Variants in RFXAP observed in about 807,000 individuals in gnomAD.
RFXAP encodes the protein regulatory factor X associated protein, also known as regulatory factor X-associated protein.
In RFXAP, 21 loss-of-function variants were observed where a neutral mutation model predicts 25.7. The ratio of observed to expected loss-of-function variants is 0.82; its 90% CI spans 0.58 to 1.18. The LOEUF (loss-of-function observed/expected upper bound fraction) is 1.18. RFXAP is among the 50% of genes most tolerant of loss of function. The probability of loss-of-function intolerance (pLI) is 0.00; values close to 1 mark genes in which losing one functional copy is unlikely to be tolerated. For missense variants in RFXAP, 333 were observed against 363.0 expected (o/e 0.92, Z 0.67); for synonymous variants, 161 against 152.2 (o/e 1.06, Z -0.43).
At chr13:36,822,773 C>T (rs1022850753) in intron 1 of RFXAP, among the ~76,000 whole-genome samples, 1 of 152,168 alleles carries the variant, frequency 6.6e-6, no homozygotes, top group East Asian at 1.9e-4. Flanking sequence ...AGTTTACTAT[C>T]CAGTTTGTCT....
intron 2 of RFXAP, 128 bp from the exon 3 acceptor site, chr13:36,827,515 C>A: frequency 3.0e-6 from 2 of 671,902 alleles, no homozygotes; most frequent in Admixed American, 2.9e-5. Context: ...TGTAAAAGTG[C>A]TTTTGATTCA....
At chr13:36,823,965 T>A (rs1456796218) in intron 1 of RFXAP, among the ~76,000 whole-genome samples, 1 of 152,186 alleles carries the variant, frequency 6.6e-6, no homozygotes, top group Non-Finnish European at 1.5e-5. Context: ...TAAAGCTACC[T>A]AACATTCTAC....
intron 2 of RFXAP, among the ~76,000 whole-genome samples, chr13:36,827,151 C>T (rs1226717621): frequency 6.6e-6 from 1 of 151,776 alleles, no homozygotes; most frequent in Non-Finnish European, 1.5e-5. Context: ...TATATATATA[C>T]ACACCTATAC....
rs1566318990 is a variant in RFXAP at position 36,819,824 on chromosome 13, A to G, written c.467A>G (p.Gln156Arg). ...CSETTSQVAK[Q>R]RKPWMCKKHR... Reference sequence around the variant, plus strand: ...GAGACCACGAGCCAGGTGGCCAAGCAGCGCAAACCGTGGATGTGCAAGAAA... The same window carrying G: ...GAGACCACGAGCCAGGTGGCCAAGCGGCGCAAACCGTGGATGTGCAAGAAA... The change falls in exon 1 of 3, where the codon CAG becomes CGG. Residue 156 changes from glutamine to arginine, a missense_variant. Transcript: ENST00000255476. The G allele has an allele frequency of 6.2e-7, 1 of 1,602,386 alleles. No homozygotes were observed. The highest frequency in any genetic ancestry group is 8.5e-7 in the Non-Finnish European group (1 of 1,173,944).
chr13:36,820,930 A>G (rs2057959893), intron 1 of RFXAP, among the ~76,000 whole-genome samples: 1 of 152,220 alleles, frequency 6.6e-6, no homozygotes. Flanking sequence ...AAAGTTTGCA[A>G]ACCTTACCCA....
rs1159752147 is a variant in RFXAP at position 36,819,393 on chromosome 13, G to A, written c.36G>A (p.Pro12=). The A allele has an allele frequency of 5.4e-6, 7 of 1,300,670 alleles. No homozygotes were observed. The highest frequency in any genetic ancestry group is 2.9e-5 in the South Asian group (1 of 34,564). 80.6% of individuals were successfully genotyped at this position (1,300,670 alleles called of 1,614,324 possible). ...EAQGVAEGAG[P]GAASGVPHPA... is the part of the protein sequence containing the mutation. ...AGGGTGTAGCGGAGGGCGCGGGGCC[G>A]GGCGCCGCCAGCGGCGTGCCCCACC... The change falls in exon 1 of 3, where the codon CCG becomes CCA. Residue 12 remains proline, a synonymous_variant. Coordinates refer to ENST00000255476, the MANE Select transcript of RFXAP (RefSeq NM_000538.4).
rs567403144 is a variant in RFXAP at position 36,828,328 on chromosome 13, C to T, written c.*575C>T. The T allele has an allele frequency of 6.5e-6, 1 of 152,974 alleles. No homozygotes were observed. Among genetic ancestry groups the T allele is most frequent in the Admixed American group, 6.5e-5 (1 of 15,360 alleles). The allele number at this position is 152,974 out of a possible 1,614,324, so 9.5% of individuals were successfully genotyped here. A position where few individuals can be genotyped will look rare whatever the true frequency, so the allele number is the denominator to read the frequency against. The stretch of plus-strand genomic sequence containing the variant: ...TAATTGGGTTCTCTTAATAACCTTT[C>T]TTTGCAGTTAAGACTGAAGCTGTCA... On this transcript the variant is annotated 3_prime_UTR_variant, in exon 3 of 3. Coordinates refer to ENST00000255476, the MANE Select transcript of RFXAP (RefSeq NM_000538.4).
chr13:36,827,802 A>G lies in RFXAP; in HGVS notation c.*49A>G, dbSNP rs376026576. 1 of 1,413,874 alleles carries G rather than the reference A, an allele frequency of 7.1e-7. No homozygotes were observed. Among genetic ancestry groups the G allele is most frequent in the Non-Finnish European group, 1.0e-6 (1 of 1,000,294 alleles). The allele number at this position is 1,413,874 out of a possible 1,614,324, so 87.6% of individuals were successfully genotyped here. On this transcript the variant is annotated 3_prime_UTR_variant, in exon 3 of 3. Transcript: ENST00000255476. The stretch of plus-strand genomic sequence containing the variant: ...ATGGTTTTTTATCTTATTGTAATAG[A>G]TGAGCATATTTTTTTACCAGACATA...
intron 1 of RFXAP, 28 bp downstream of exon 1, chr13:36,819,985 T>G (rs1003813901): frequency 1.2e-6 from 2 of 1,610,930 alleles, no homozygotes; most frequent in African/African-American, 2.7e-5. Context: ...GGCCTGGGGA[T>G]GGGAGGTGGA....
Position 36,827,983 on chromosome 13 carries a change from T to C in RFXAP, c.*230T>C. 1 of 501,192 alleles carries C rather than the reference T, an allele frequency of 2.0e-6. No individual in the cohort carries two copies. The highest frequency in any genetic ancestry group is 3.5e-6 in the Non-Finnish European group (1 of 282,646). 31.0% of individuals were successfully genotyped at this position (501,192 alleles called of 1,614,324 possible). On this transcript the variant is annotated 3_prime_UTR_variant, in exon 3 of 3. Transcript: ENST00000255476. ...CTTATCTTTCCAAATAACATTTAAT[T>C]ATAATGTTTTTTAAAAAATATATTC... is the stretch of plus-strand genomic sequence containing the variant.
chr13:36,823,223 T>G (rs111253172), intron 1 of RFXAP, among the ~76,000 whole-genome samples: 1,746 of 152,312 alleles, frequency 0.011, 33 homozygotes, highest in African/African-American at 0.039. Flanking sequence ...AGCTTTCACT[T>G]TTACCTCCTT....
chr13:36,823,548 C>G (rs1161460646), intron 1 of RFXAP, among the ~76,000 whole-genome samples: 1 of 152,136 alleles, frequency 6.6e-6, no homozygotes, highest in African/African-American at 2.4e-5. Flanking sequence ...TTTTGAGACT[C>G]TTTCGAAGAT....
intron 1 of RFXAP, among the ~76,000 whole-genome samples, chr13:36,822,725 A>G (rs1228629579): frequency 6.6e-6 from 1 of 152,132 alleles, no homozygotes; most frequent in Non-Finnish European, 1.5e-5. Flanking sequence ...CTTTTTATGG[A>G]AGGGAATTAA....
intron 1 of RFXAP, among the ~76,000 whole-genome samples, chr13:36,820,787 T>G (rs1259876372): frequency 6.6e-6 from 1 of 152,214 alleles, no homozygotes; most frequent in Non-Finnish European, 1.5e-5. Flanking sequence ...TTGCATCATT[T>G]ACTGGCCTTG....
chr13:36,827,403 A>G (rs1340089613), intron 2 of RFXAP, among the ~76,000 whole-genome samples: 2 of 152,162 alleles, frequency 1.3e-5, no homozygotes, highest in Admixed American at 6.5e-5. Context: ...TTTTTACACA[A>G]AGTCACCAAT....
intron 2 of RFXAP, 44 bp downstream of exon 2, chr13:36,825,579 G>T (rs776132823): frequency 1.4e-6 from 2 of 1,386,474 alleles, no homozygotes; most frequent in East Asian, 4.6e-5. Context: ...GTTAACAAAC[G>T]TTTGTTATAA....
In RFXAP at chr13:36,819,713, G is replaced by C. The variant is rs2138212776; in HGVS notation, c.356G>C (p.Gly119Ala). 1.3e-6 allele frequency: 2 copies of C among 1,550,510 alleles called. No individual in the cohort carries two copies. The highest frequency in any genetic ancestry group is 1.7e-6 in the Non-Finnish European group (2 of 1,146,864). The change falls in exon 1 of 3, where the codon GGG becomes GCG. Residue 119 changes from glycine (G) to alanine (A), a missense_variant. Gly to Ala is a moderately conservative substitution (Grantham distance 60). Coordinates refer to ENST00000255476, the MANE Select transcript of RFXAP (RefSeq NM_000538.4). Reference protein sequence around the residue: ...EDLEDEETHSGGEGSSGGARR... With the variant: ...EDLEDEETHSAGEGSSGGARR... Reference sequence around the variant, plus strand: ...CTAGAGGACGAGGAGACTCACTCGGGGGGCGAGGGCAGCAGCGGGGGCGCC... The same window carrying C: ...CTAGAGGACGAGGAGACTCACTCGGCGGGCGAGGGCAGCAGCGGGGGCGCC...
intron 2 of RFXAP, among the ~76,000 whole-genome samples, chr13:36,827,147 T>C (rs1464153244): frequency 6.6e-6 from 1 of 152,046 alleles, no homozygotes; most frequent in Non-Finnish European, 1.5e-5. Context: ...CATATATATA[T>C]ATACACACCT....
At chr13:36,822,061 T>C (rs757012134) in intron 1 of RFXAP, among the ~76,000 whole-genome samples, 2 of 152,014 alleles carry the variant, frequency 1.3e-5, no homozygotes, top group Non-Finnish European at 1.5e-5. Context: ...CAGAATTCTT[T>C]AGAGAGGGAG....
Sources: gnomAD v4.1 joint callset for allele counts (sites outside exome capture counted in the v4.1 genomes callset) on GRCh38, gnomAD v4.1.1 for gene constraint, MANE v1.5 for transcripts, NCBI Gene and HGNC (gene_info 2026-07-23, HGNC 2026-07-21) for gene names.